Variants in KLC3 observed in about 807,000 individuals in gnomAD.
KLC3 encodes the protein kinesin light chain 3, also known as kinesin light chain 2.
Under a neutral mutation model 62.9 loss-of-function variants are expected in KLC3, and 72 were observed. The observed-to-expected ratio is 1.15, with a 90% confidence interval of 0.95 to 1.39. KLC3 has a LOEUF of 1.39. KLC3 is among the 40% of genes most tolerant of loss of function. KLC3 has a pLI of 0.00. For missense variants in KLC3, 848 were observed against 691.6 expected, an observed-to-expected ratio of 1.23 and a Z score of -2.54; for synonymous variants, 377 against 300.5, an observed-to-expected ratio of 1.25 and a Z score of -2.63.
chr19:45,345,377 G>GGTGT, intron 1 of KLC3, 157 bp from the exon 2 acceptor site: 1 of 877,910 alleles, frequency 1.1e-6, no homozygotes, highest in Non-Finnish European at 1.8e-6. Flanking sequence ...GGATGGAGAG[G>GGTGT]GTGTGGAGGC....
Position 45,344,945 on chromosome 19 carries a change from C to T in KLC3, c.-8-589C>T, listed in dbSNP as rs563660958. The T allele has an allele frequency of 8.8e-4, 138 of 156,846 alleles. 1 individual carries two copies. The highest frequency in any genetic ancestry group is 6.5e-3 in the Middle Eastern group (2 of 310). The allele number at this position is 156,846 out of a possible 1,614,324, so 9.7% of individuals were successfully genotyped here. On this transcript the variant is annotated intron_variant, in intron 1 of 12. Coordinates refer to ENST00000391946, the MANE Select transcript of KLC3 (RefSeq NM_177417.3). ...CACATGGCCCCATCCTCATTCCCCC[C>T]AACCTAGAGGCCTCCTGGGCTTCTG...
At chr19:45,347,001 G>A (rs1332461749) in intron 3 of KLC3, 14 of 503,806 alleles carry the variant, frequency 2.8e-5, no homozygotes, top group East Asian at 2.0e-4. Context: ...CCCGAGCCTC[G>A]CCAGACCCCC....
rs1198312774 is a variant in KLC3 at position 45,346,610 on chromosome 19, G to T, written c.325G>T (p.Ala109Ser). The part of the protein sequence containing the change: ...EAEKQRLRSQ[A>S]RRLAQENVWL... ...AGAGAAGCAGCGGCTGCGCTCGCAG[G>T]CCCGGCGGCTGGCCCAGGAGAACGT... The change falls in exon 3 of 13, where the codon GCC (alanine) becomes TCC (serine). Residue 109 changes from alanine (A) to serine (S), a missense_variant. By Grantham distance (99) the Ala-to-Ser change is moderately conservative. Coordinates refer to ENST00000391946, the MANE Select transcript of KLC3 (RefSeq NM_177417.3). 1.3e-6 allele frequency: 2 copies of T among 1,550,658 alleles called. No homozygotes were observed. The highest frequency in any genetic ancestry group is 1.7e-6 in the Non-Finnish European group (2 of 1,147,248).
In KLC3 at chr19:45,348,587, T is replaced by C; in HGVS notation, c.780-59T>C. ...CCTGTCAGGATTGGCCCAGCCCCTG[T>C]GGCTGCAGCTGCCCCAACCCTTGGC... On this transcript the variant is annotated intron_variant, in intron 5 of 12. Coordinates refer to ENST00000391946, the MANE Select transcript of KLC3 (RefSeq NM_177417.3). 2.0e-6 allele frequency: 3 copies of C among 1,506,738 alleles called. No individual in the cohort carries two copies. In the Admixed American group the frequency reaches 5.9e-5, roughly 30 times the overall value. The allele number at this position is 1,506,738 out of a possible 1,614,324, so 93.3% of individuals were successfully genotyped here. A position where few individuals can be genotyped will look rare whatever the true frequency, so the allele number is the denominator to read the frequency against.
At chr19:45,350,859 G>C in intron 11 of KLC3, 95 bp from the exon 12 acceptor site, 3 of 1,449,688 alleles carry the variant, frequency 2.1e-6, no homozygotes, top group Non-Finnish European at 2.9e-6. Flanking sequence ...TCTCCCCTGT[G>C]ATACACACAG....
At chr19:45,350,464 T>A (rs1971681872) in intron 9 of KLC3, 33 bp downstream of exon 9, 14 of 1,613,006 alleles carry the variant, frequency 8.7e-6, no homozygotes, top group Non-Finnish European at 1.1e-5. Flanking sequence ...TCTTCCCTCC[T>A]GGTGGCTTCT....
chr19:45,350,529 G>A lies in KLC3; in HGVS notation c.1250G>A (p.Gly417Asp). The change falls in exon 10 of 13, where the codon GGC becomes GAC. Residue 417 changes from glycine (G) to aspartate (D), a missense_variant. Transcript: ENST00000391946. ...LPAPLGAPNT[G>D]TAGDAEQALR... ...TTCCCCCTAGGTGCCCCCAACACAG[G>A]CACAGCTGGTGACGCAGAACAGGTG... is the stretch of plus-strand genomic sequence containing the variant. The A allele has an allele frequency of 2.5e-6, 4 of 1,613,770 alleles. No individual in the cohort carries two copies. Among genetic ancestry groups the A allele is most frequent in the Non-Finnish European group, 3.4e-6 (4 of 1,179,934 alleles).
At chr19:45,344,772 ACT>A (rs1367105202) in intron 1 of KLC3, 1 of 152,064 alleles carries the variant, frequency 6.6e-6, no homozygotes, top group African/African-American at 2.4e-5. Flanking sequence ...TGGGCTTCAG[ACT>A]CTCAGCTGTC....
intron 12 of KLC3, 124 bp downstream of exon 12, chr19:45,351,141 C>A: frequency 6.3e-7 from 1 of 1,598,260 alleles, no homozygotes; most frequent in South Asian, 1.1e-5. Context: ...CAGAAGAGAC[C>A]CAGGACAGGA....
At chr19:45,348,499 G>A (rs1289794619) in intron 5 of KLC3, 147 bp from the exon 6 acceptor site, 1 of 745,708 alleles carries the variant, frequency 1.3e-6, no homozygotes, top group Non-Finnish European at 2.2e-6. Flanking sequence ...GAAATATGGA[G>A]GGGCCCACAA....
Position 45,348,863 on chromosome 19 carries a change from G to C in KLC3, c.911G>C (p.Arg304Pro), listed in dbSNP as rs534721284. ...LNNLAVLYGK[R>P]GRYREAEPLC... ...AACTTGGCTGTCCTCTATGGGAAGCGTGGGCGTTACCGGGAGGCAGAGCCC... is the reference window on the plus strand; with the variant it reads ...AACTTGGCTGTCCTCTATGGGAAGCCTGGGCGTTACCGGGAGGCAGAGCCC... The change falls in exon 7 of 13, where the codon CGT becomes CCT. Residue 304 changes from arginine to proline, a missense_variant. Transcript: ENST00000391946. The C allele has an allele frequency of 6.3e-7, 1 of 1,584,326 alleles. No homozygotes were observed.
intron 3 of KLC3, chr19:45,347,017 G>A: frequency 2.0e-6 from 1 of 495,496 alleles, no homozygotes; most frequent in Non-Finnish European, 3.6e-6. Flanking sequence ...CCCCCAGGGG[G>A]CCTCTGACGC....
At position 45,344,390 on chromosome 19, in the gene KLC3, TTTTTTTC is replaced by T. The variant is rs929691544; in HGVS notation, c.-8-1143_-8-1137del. On this transcript the variant is annotated intron_variant, in intron 1 of 12. Coordinates refer to ENST00000391946, the MANE Select transcript of KLC3 (RefSeq NM_177417.3). The stretch of plus-strand genomic sequence containing the variant: ...CACCATGCTCTGCTATTTTTTTTTT[TTTTTTTC>T]CAGTAGAGACAGGGTTTCACCCTGT... Among the ~76,000 whole-genome samples the T allele has an allele frequency of 1.4e-3, 207 of 149,824 alleles. 1 individual carries two copies. Among genetic ancestry groups the T allele is most frequent in the African/African-American group, 4.8e-3 (192 of 40,414 alleles).
At chr19:45,341,593 G>GCGC (rs1555772528) in intron 1 of KLC3, among the ~76,000 whole-genome samples, 2 of 151,138 alleles carry the variant, frequency 1.3e-5, no homozygotes, top group African/African-American at 4.9e-5. Flanking sequence ...GCGCGCGTGT[G>GCGC]GTGGACAGTG....
chr19:45,349,364 G>A (rs963979608), intron 7 of KLC3, 65 bp from the exon 8 acceptor site: 10 of 1,495,110 alleles, frequency 6.7e-6, no homozygotes, highest in South Asian at 2.5e-5. Context: ...CCACCATACA[G>A]CAGTGATGTC....
chr19:45,348,554 TC>T, intron 5 of KLC3, 91 bp from the exon 6 acceptor site: 1 of 1,265,474 alleles, frequency 7.9e-7, no homozygotes, highest in Non-Finnish European at 1.1e-6. Flanking sequence ...TCAGCCAGGT[TC>T]CCTGGGCCTG....
Position 45,346,667 on chromosome 19 carries a change from C to T in KLC3, c.382C>T (p.Arg128Trp), listed in dbSNP as rs1215504878. 24 of 1,558,228 alleles carry T rather than the reference C, an allele frequency of 1.5e-5. No individual in the cohort carries two copies. The highest frequency in any genetic ancestry group is 5.5e-5 in the African/African-American group (4 of 73,178). Residue 128 changes from arginine to tryptophan, a missense_variant, in exon 3 of 13, where the codon CGG (arginine) becomes TGG (tryptophan). Arg to Trp is a moderately radical substitution (Grantham distance 101). Transcript: ENST00000391946. Reference sequence around the variant, plus strand: ...GCGGGAGGAACTGGAGGAGACGCAGCGGCGGCTTCGGGCCAGCGAGGAGTC... The same window carrying T: ...GCGGGAGGAACTGGAGGAGACGCAGTGGCGGCTTCGGGCCAGCGAGGAGTC... ...WLREELEETQ[R>W]RLRASEESVA... is the part of the protein sequence containing the mutation.
chr19:45,346,479 G>C, intron 2 of KLC3, 65 bp from the exon 3 acceptor site: 1 of 1,371,200 alleles, frequency 7.3e-7, no homozygotes, highest in Non-Finnish European at 9.8e-7. Context: ...CGAGGCCTGG[G>C]CTGGGTCAGG....
intron 4 of KLC3, 87 bp from the exon 5 acceptor site, chr19:45,347,854 C>G: frequency 8.9e-7 from 1 of 1,129,566 alleles, no homozygotes; most frequent in Non-Finnish European, 1.3e-6. Flanking sequence ...TTAGGCAGTC[C>G]GGCAGTTCTG....
Sources: allele counts gnomAD v4.1 joint callset (sites outside exome capture counted in the v4.1 genomes callset), GRCh38; gene constraint gnomAD v4.1.1; transcripts MANE v1.5; gene names NCBI Gene and HGNC (gene_info 2026-07-23, HGNC 2026-07-21).